ATR: variants seen among roughly 807,000 people sequenced by gnomAD.
The protein encoded by ATR is serine/threonine-protein kinase ATR.
In ATR, 142 loss-of-function variants were observed where a neutral mutation model predicts 305.3. The ratio of observed to expected loss-of-function variants is 0.47; its 90% CI spans 0.41 to 0.53. The LOEUF is 0.53. Among genes scored for constraint, ATR ranks in the 20% least tolerant of loss-of-function variants. The pLI, the probability that ATR is intolerant of heterozygous loss-of-function variation, is 0.00. For missense variants in ATR, 2,135 were observed against 3,133.1 expected (o/e 0.68, Z 7.60); for synonymous variants, 1,050 against 1,068.1 (o/e 0.98, Z 0.33).
At chr3:142,505,094 T>C (rs2032169592) in intron 29 of ATR, 45 bp downstream of exon 29, 4 of 1,606,478 alleles carry the variant, frequency 2.5e-6, no homozygotes, top group Non-Finnish European at 3.4e-6. Context: ...AGAGTTCCTA[T>C]TCAGGGCTAT....
At chr3:142,478,172 T>A (rs1371082515) in intron 36 of ATR, among the ~76,000 whole-genome samples, 3 of 152,228 alleles carry the variant, frequency 2.0e-5, no homozygotes, top group South Asian at 2.1e-4. Flanking sequence ...GTTCTTTTAA[T>A]TGTGATGTTA....
At chr3:142,450,930 G>A (rs2070774407) in intron 46 of ATR, 22 of 1,220,250 alleles carry the variant, frequency 1.8e-5, no homozygotes, top group East Asian at 1.0e-4. Flanking sequence ...TTATCTTCGC[G>A]GAGCTCACCT....
intron 15 of ATR, among the ~76,000 whole-genome samples, chr3:142,548,883 A>G (rs1441328099): frequency 6.6e-6 from 1 of 152,192 alleles, no homozygotes; most frequent in Non-Finnish European, 1.5e-5. Flanking sequence ...ACTCTCGTGG[A>G]AAGAGATGTG....
chr3:142,488,606 C>A (rs1168652501), intron 35 of ATR, among the ~76,000 whole-genome samples: 8 of 152,178 alleles, frequency 5.3e-5, no homozygotes, highest in Admixed American at 5.2e-4. Context: ...TTTCCCACTT[C>A]TGATACTCTG....
Position 142,562,750 on chromosome 3 carries a change from C to A in ATR, c.652G>T (p.Ala218Ser), listed in dbSNP as rs978437399. 7 of 1,613,310 alleles carry A rather than the reference C, an allele frequency of 4.3e-6. No individual in the cohort carries two copies. In the African/African-American group the frequency reaches 9.4e-5, roughly 22 times the overall value. The change falls in exon 4 of 47, where the codon GCA becomes TCA. Residue 218 changes from alanine (A) to serine (S), a missense_variant. Coordinates refer to ENST00000350721, the MANE Select transcript of ATR (RefSeq NM_001184.4). The part of the protein sequence containing the change: ...TLLMVLTRII[A>S]IVFFRRQELL... Reference sequence around the variant, plus strand: ...TCTTGCCTTCTAAAAAACACAATTGCAATAATACGAGTAAGAACCATTAAT... The same window carrying A: ...TCTTGCCTTCTAAAAAACACAATTGAAATAATACGAGTAAGAACCATTAAT...
At chr3:142,483,460 C>G (rs1384199357) in intron 36 of ATR, among the ~76,000 whole-genome samples, 1 of 152,100 alleles carries the variant, frequency 6.6e-6, no homozygotes, top group Non-Finnish European at 1.5e-5. Context: ...TTCTACAAGT[C>G]TAATGTCAAA....
intron 19 of ATR, among the ~76,000 whole-genome samples, chr3:142,536,548 T>TA (rs1158851792): frequency 6.6e-6 from 1 of 152,236 alleles, no homozygotes; most frequent in East Asian, 1.9e-4. Context: ...TGGGGCCTGT[T>TA]AAAAATGCCT....
intron 8 of ATR, among the ~76,000 whole-genome samples, chr3:142,557,348 T>C (rs1319378451): frequency 2.0e-5 from 3 of 152,104 alleles, no homozygotes; most frequent in East Asian, 1.9e-4. Flanking sequence ...TTGTGAAAAG[T>C]TGGAAACAAC....
intron 42 of ATR, among the ~76,000 whole-genome samples, chr3:142,460,879 T>C (rs1229324219): frequency 1.3e-5 from 2 of 152,194 alleles, no homozygotes; most frequent in African/African-American, 4.8e-5. Context: ...TTAATGTTCA[T>C]ATCTTGCGTA....
At chr3:142,463,960 AAG>A (rs2108268950) in intron 41 of ATR, among the ~76,000 whole-genome samples, 1 of 152,328 alleles carries the variant, frequency 6.6e-6, no homozygotes, top group African/African-American at 2.4e-5. Context: ...CCAATGGAAA[AAG>A]ACATACACTA....
intron 3 of ATR, among the ~76,000 whole-genome samples, chr3:142,564,934 TTTTGG>T (rs140839802): frequency 0.018 from 2,718 of 152,070 alleles, 28 homozygotes; most frequent in South Asian, 0.041. Flanking sequence ...TTCTGTTTTG[TTTTGG>T]TTTGGTTTGG....
chr3:142,550,986 C>T (rs2034451280), intron 13 of ATR, among the ~76,000 whole-genome samples: 2 of 152,116 alleles, frequency 1.3e-5, no homozygotes, highest in Admixed American at 6.6e-5. Flanking sequence ...GGGGTTTCAC[C>T]ATGCTAGCAA....
intron 44 of ATR, 150 bp from the exon 45 acceptor site, chr3:142,457,905 AG>A: frequency 1.2e-6 from 1 of 849,390 alleles, no homozygotes; most frequent in South Asian, 1.8e-5. Flanking sequence ...TGTAACATGA[AG>A]GAGCCATGTA....
chr3:142,544,655 G>A (rs911236367), intron 16 of ATR, among the ~76,000 whole-genome samples: 2 of 147,116 alleles, frequency 1.4e-5, no homozygotes, highest in Non-Finnish European at 3.0e-5. Flanking sequence ...AGCTGGGAAT[G>A]AGTAGCAACT....
intron 27 of ATR, among the ~76,000 whole-genome samples, chr3:142,510,978 T>C (rs1228528398): frequency 3.3e-5 from 5 of 152,092 alleles, no homozygotes; most frequent in Admixed American, 6.6e-5. Flanking sequence ...CAAGGTAAGA[T>C]AGAGCAGGGT....
In ATR at chr3:142,496,317, T is replaced by TAC. The variant is rs767719163; in HGVS notation, c.5898+43_5898+44insGT. On this transcript the variant is annotated intron_variant, in intron 34 of 46. Transcript: ENST00000350721. ...ATATATATATATATATATATATATA[T>TAC]ATATATATATATATATATATGATGA... 1.5e-4 allele frequency: 33 copies of TAC among 220,232 alleles called. 3 individuals carry two copies. The highest frequency in any genetic ancestry group is 9.7e-4 in the African/African-American group (28 of 28,916). 13.6% of individuals were successfully genotyped at this position (220,232 alleles called of 1,614,324 possible).
chr3:142,451,862 G>T, intron 46 of ATR: 1 of 1,320,368 alleles, frequency 7.6e-7, no homozygotes, highest in South Asian at 1.2e-5. Flanking sequence ...AACAGAAATG[G>T]AGCGAGCAGA....
chr3:142,512,139 A>G, intron 27 of ATR, 121 bp downstream of exon 27: 1 of 946,302 alleles, frequency 1.1e-6, no homozygotes, highest in Non-Finnish European at 1.6e-6. Flanking sequence ...CAACAACAAT[A>G]AAAAACATGA....
At position 142,493,267 on chromosome 3, in the gene ATR, T is replaced by C; in HGVS notation, c.5943A>G (p.Glu1981=). ...QALIVLQKGV[E]LCFPENETPP... is the part of the protein sequence containing the mutation. The stretch of plus-strand genomic sequence containing the variant: ...GGGTTTCATTTTCAGGAAAACATAA[T>C]TCAACACCTTTTTGAAGAACAATTA... The change falls in exon 35 of 47, where the codon GAA becomes GAG. Residue 1981 remains glutamate (E), a synonymous_variant. Coordinates refer to ENST00000350721, the MANE Select transcript of ATR (RefSeq NM_001184.4). The C allele has an allele frequency of 6.2e-7, 1 of 1,614,016 alleles. No individual in the cohort carries two copies. Among genetic ancestry groups the C allele is most frequent in the Non-Finnish European group, 8.5e-7 (1 of 1,179,946 alleles).
Sources: allele counts gnomAD v4.1 joint callset (sites outside exome capture counted in the v4.1 genomes callset), GRCh38; gene constraint gnomAD v4.1.1; transcripts MANE v1.5; gene names NCBI Gene and HGNC (gene_info 2026-07-23, HGNC 2026-07-21).